Variants in INSIG2 observed in about 807,000 individuals in gnomAD.
INSIG2 encodes insulin-induced gene 2 protein.
Under a neutral mutation model 27.2 loss-of-function variants are expected in INSIG2, and 10 were observed. The ratio of observed to expected loss-of-function variants is 0.37; its 90% CI spans 0.23 to 0.62. The LOEUF (loss-of-function observed/expected upper bound fraction) is 0.62, where lower values mean the gene tolerates loss of function less well. Ranked by LOEUF, INSIG2 falls within the 20% of genes least tolerant of loss-of-function variation. The probability of loss-of-function intolerance (pLI) is 0.65; values close to 1 mark genes in which losing one functional copy is unlikely to be tolerated. For missense variants in INSIG2, 178 were observed against 270.2 expected (o/e 0.66, Z 2.39); for synonymous variants, 97 against 95.8 (o/e 1.01, Z -0.07).
chr2:118,101,785 T>C (rs898708763), intron 2 of INSIG2, among the ~76,000 whole-genome samples: 3 of 152,220 alleles, frequency 2.0e-5, no homozygotes, highest in Admixed American at 2.0e-4. Flanking sequence ...GATTTACTAA[T>C]AGTTATTGGA....
At chr2:118,089,879 C>T (rs1335570772) in intron 1 of INSIG2, among the ~76,000 whole-genome samples, 1 of 152,182 alleles carries the variant, frequency 6.6e-6, no homozygotes, top group Non-Finnish European at 1.5e-5. Flanking sequence ...CTTTTTTAGG[C>T]ACTGAGATGT....
At chr2:118,105,583 G>T (rs1431427120) in intron 3 of INSIG2, among the ~76,000 whole-genome samples, 2 of 152,126 alleles carry the variant, frequency 1.3e-5, no homozygotes, top group Admixed American at 6.6e-5. Flanking sequence ...TGAACTGTAG[G>T]TTTCTTTTTA....
rs1678790361 is a variant in INSIG2 at position 118,110,643 on chromosome 2, G to T, written c.*2321G>T. ...GATAATTATAGCAAAAAATAAAATT[G>T]TTTTGAAATTTTGATAAATATATAA... On this transcript the variant is annotated 3_prime_UTR_variant, in exon 6 of 6. Coordinates refer to ENST00000245787, the MANE Select transcript of INSIG2 (RefSeq NM_016133.4). The T allele has an allele frequency of 6.6e-6, 1 of 152,050 alleles. No individual in the cohort carries two copies. Among genetic ancestry groups the T allele is most frequent in the Admixed American group, 6.5e-5 (1 of 15,276 alleles). 9.4% of individuals were successfully genotyped at this position (152,050 alleles called of 1,614,324 possible).
chr2:118,108,454 A>G lies in INSIG2; in HGVS notation c.*132A>G, dbSNP rs1156976354. 2.3e-5 allele frequency: 14 copies of G among 604,390 alleles called. No homozygotes were observed. The highest frequency in any genetic ancestry group is 1.4e-4 in the South Asian group (7 of 49,904). The allele number at this position is 604,390 out of a possible 1,614,324, so 37.4% of individuals were successfully genotyped here. On this transcript the variant is annotated 3_prime_UTR_variant, in exon 6 of 6. Transcript: ENST00000245787. ...CCCCTTGATTGGCGTGTGTGTATATATGGATAAATATATATATACACACAC... is the reference window on the plus strand; with the variant it reads ...CCCCTTGATTGGCGTGTGTGTATATGTGGATAAATATATATATACACACAC...
Position 118,093,941 on chromosome 2 carries a change from TGAGGAGGAG to T in INSIG2, c.-138-2453_-138-2445del, listed in dbSNP as rs1331616893. Among the ~76,000 whole-genome samples the T allele has an allele frequency of 2.7e-3, 19 of 7,064 alleles. 1 individual carries two copies. The highest frequency in any genetic ancestry group is 5.4e-3 in the African/African-American group (12 of 2,234). 4.6% of individuals were successfully genotyped at this position (7,064 alleles called of 152,430 possible). A position where few individuals can be genotyped will look rare whatever the true frequency, so the allele number is the denominator to read the frequency against. ...AGCAACCAGATGATGATGATGATGA[TGAGGAGGAG>T]GAGGAGGAGGAGGAGGAGGAGGAGA... On this transcript the variant is annotated intron_variant, in intron 1 of 5. Coordinates refer to ENST00000245787, the MANE Select transcript of INSIG2 (RefSeq NM_016133.4).
chr2:118,091,246 A>G (rs1025337185), intron 1 of INSIG2, among the ~76,000 whole-genome samples: 1 of 152,230 alleles, frequency 6.6e-6, no homozygotes, highest in Non-Finnish European at 1.5e-5. Flanking sequence ...TATTATAAAC[A>G]TGCTTTTAAA....
chr2:118,093,716 A>G (rs1678324431), intron 1 of INSIG2, among the ~76,000 whole-genome samples: 3 of 113,134 alleles, frequency 2.7e-5, no homozygotes, highest in Non-Finnish European at 5.5e-5. Flanking sequence ...GAACCTTGCC[A>G]AGAGCAACCA....
intron 1 of INSIG2, among the ~76,000 whole-genome samples, chr2:118,095,638 G>A (rs1240348379): frequency 1.3e-5 from 2 of 152,186 alleles, no homozygotes; most frequent in African/African-American, 4.8e-5. Flanking sequence ...AGGAGTCAGG[G>A]ACCAAGTGGA....
chr2:118,094,277 T>A (rs1487754638), intron 1 of INSIG2, among the ~76,000 whole-genome samples: 1 of 126,292 alleles, frequency 7.9e-6, no homozygotes. Context: ...GAAGGAGAGT[T>A]CTGTAGCTAC....
intron 2 of INSIG2, among the ~76,000 whole-genome samples, chr2:118,098,114 T>C (rs1198185807): frequency 2.0e-5 from 3 of 152,230 alleles, no homozygotes; most frequent in Admixed American, 2.0e-4. Flanking sequence ...CTGCTGTATG[T>C]ACTGGTCCTC....
At chr2:118,103,080 G>GGT in intron 2 of INSIG2, 117 bp from the exon 3 acceptor site, 2 of 646,358 alleles carry the variant, frequency 3.1e-6, no homozygotes, top group African/African-American at 4.0e-5. Flanking sequence ...TTTTTTTTTT[G>GGT]TTTTTTTTTT....
chr2:118,097,310 G>A (rs1678433335), intron 2 of INSIG2, among the ~76,000 whole-genome samples: 1 of 152,208 alleles, frequency 6.6e-6, no homozygotes, highest in African/African-American at 2.4e-5. Context: ...TTATTTGGAT[G>A]ATGAGCACCA....
At chr2:118,099,056 T>G (rs1678480203) in intron 2 of INSIG2, among the ~76,000 whole-genome samples, 1 of 152,234 alleles carries the variant, frequency 6.6e-6, no homozygotes, top group Non-Finnish European at 1.5e-5. Context: ...TCTCAAAATC[T>G]CTGCTCTGCC....
At chr2:118,097,090 C>T (rs1157687528) in intron 2 of INSIG2, among the ~76,000 whole-genome samples, 9 of 152,134 alleles carry the variant, frequency 5.9e-5, no homozygotes, top group African/African-American at 1.2e-4. Flanking sequence ...CACTGATCTG[C>T]TTTCTGTTGC....
intron 1 of INSIG2, among the ~76,000 whole-genome samples, chr2:118,094,579 C>T: frequency 6.6e-6 from 1 of 152,048 alleles, no homozygotes; most frequent in East Asian, 1.9e-4. Context: ...TTTTTTAGTC[C>T]TTTAAGCCAT....
In INSIG2 at chr2:118,096,724, G is replaced by C. The variant is rs376950162; in HGVS notation, c.168G>C (p.Thr56=). 1.9e-6 allele frequency: 3 copies of C among 1,613,822 alleles called. No individual in the cohort carries two copies. Among genetic ancestry groups the C allele is most frequent in the Non-Finnish European group, 2.5e-6 (3 of 1,179,838 alleles). The part of the protein sequence containing the change: ...LNLLQIQRNV[T]LFPPDVIASI... ...TACTTCAGATTCAGAGAAATGTGAC[G>C]CTCTTTCCACCTGATGTGATTGCAA... The change falls in exon 2 of 6, where the codon ACG becomes ACC. Residue 56 remains threonine (T), a synonymous_variant. Transcript: ENST00000245787.
Position 118,088,510 on chromosome 2 carries a change from G to C in INSIG2, c.-170G>C, listed in dbSNP as rs1047386976. ...GGAGGAAGAGGCGGTAGGGGGTACG[G>C]GGGCTGGTCCCAGAAGATGGCGGAG... On this transcript the variant is annotated 5_prime_UTR_variant, in exon 1 of 6. Transcript: ENST00000245787. 8 of 152,920 alleles carry C rather than the reference G, an allele frequency of 5.2e-5. No individual in the cohort carries two copies. Among genetic ancestry groups the C allele is most frequent in the African/African-American group, 1.7e-4 (7 of 41,616 alleles). The allele number at this position is 152,920 out of a possible 1,614,324, so 9.5% of individuals were successfully genotyped here.
At chr2:118,104,394 G>A (rs572981247) in intron 3 of INSIG2, among the ~76,000 whole-genome samples, 4 of 152,284 alleles carry the variant, frequency 2.6e-5, no homozygotes, top group African/African-American at 4.8e-5. Flanking sequence ...CAGTTGTGCT[G>A]GCTGTTGCAG....
At position 118,092,859 on chromosome 2, in the gene INSIG2, AGATGAT is replaced by A. The variant is rs760155161; in HGVS notation, c.-138-3539_-138-3534del. On this transcript the variant is annotated intron_variant, in intron 1 of 5. Coordinates refer to ENST00000245787, the MANE Select transcript of INSIG2 (RefSeq NM_016133.4). ...CTACTGAACCTTGCTAAAAGCAACC[AGATGAT>A]GATGATGATGATGATGATGAGGACG... Among the ~76,000 whole-genome samples, 16 of 148,260 alleles carry A rather than the reference AGATGAT, an allele frequency of 1.1e-4. No individual in the cohort carries two copies. The East Asian group carries it at 3.1e-3, about 29-fold the overall frequency.
Sources: gnomAD v4.1 joint callset for allele counts (sites outside exome capture counted in the v4.1 genomes callset) on GRCh38, gnomAD v4.1.1 for gene constraint, MANE v1.5 for transcripts, NCBI Gene and HGNC (gene_info 2026-07-23, HGNC 2026-07-21) for gene names.